DGLUCY: variants seen among roughly 807,000 people sequenced by gnomAD.
The protein encoded by DGLUCY is D-glutamate cyclase, mitochondrial.
Under a neutral mutation model 58.5 loss-of-function variants are expected in DGLUCY, and 58 were observed. The ratio of observed to expected loss-of-function variants is 0.99; its 90% CI spans 0.80 to 1.23. DGLUCY has a LOEUF of 1.23. Ranked by LOEUF, DGLUCY falls within the 50% of genes most tolerant of loss-of-function variation. DGLUCY has a pLI of 0.00. For missense variants in DGLUCY, 779 were observed against 784.7 expected, an observed-to-expected ratio of 0.99 and a Z score of 0.09; for synonymous variants, 325 against 314.1, an observed-to-expected ratio of 1.03 and a Z score of -0.37.
exon 1 of DGLUCY, chr14:91,060,665 A>C (rs1282587320): frequency 1.4e-5 from 6 of 435,564 alleles, no homozygotes; most frequent in Non-Finnish European, 2.2e-5. Flanking sequence ...CCCCTGCTCC[A>C]CCGCCGCCTC....
At chr14:91,084,350 C>T (rs1030506757) in intron 1 of DGLUCY, among the ~76,000 whole-genome samples, 8 of 151,888 alleles carry the variant, frequency 5.3e-5, no homozygotes, top group Admixed American at 2.0e-4. Flanking sequence ...ACTACAGGCA[C>T]CCACCACCAT....
chr14:91,129,708 G>A (rs563740010), intron 1 of DGLUCY, among the ~76,000 whole-genome samples: 85 of 151,574 alleles, frequency 5.6e-4, no homozygotes, highest in Non-Finnish European at 1.0e-3. Flanking sequence ...GTGCAATGGC[G>A]CAATCTCGGC....
intron 9 of DGLUCY, among the ~76,000 whole-genome samples, chr14:91,196,000 G>A (rs896871246): frequency 1.3e-5 from 2 of 152,162 alleles, no homozygotes; most frequent in African/African-American, 4.8e-5. Context: ...TGGAATTGTT[G>A]TAAAAATTAA....
At chr14:91,135,696 C>A (rs1297042581) in intron 1 of DGLUCY, among the ~76,000 whole-genome samples, 9 of 127,218 alleles carry the variant, frequency 7.1e-5, no homozygotes, top group Non-Finnish European at 1.5e-4. Flanking sequence ...TAGGCTTTTG[C>A]TGTTTTTGTT....
chr14:91,125,805 T>G (rs1021036385), intron 1 of DGLUCY, among the ~76,000 whole-genome samples: 4 of 151,988 alleles, frequency 2.6e-5, no homozygotes, highest in Non-Finnish European at 5.9e-5. Flanking sequence ...ATACAAAAAT[T>G]AGCCGAGCCT....
chr14:91,129,456 C>T (rs2045908249), intron 1 of DGLUCY, among the ~76,000 whole-genome samples: 1 of 151,932 alleles, frequency 6.6e-6, no homozygotes. Context: ...AATATGCTAG[C>T]CGGGTATGGT....
rs982414213 is a variant in DGLUCY, at chr14:91,128,549, G to C, written c.-82+14266G>C. Among the ~76,000 whole-genome samples, 2 of 152,040 alleles carry C rather than the reference G, an allele frequency of 1.3e-5. 1 individual carries two copies. Among genetic ancestry groups the C allele is most frequent in the South Asian group, 4.2e-4 (2 of 4,814 alleles). On this transcript the variant is annotated intron_variant, in intron 1 of 13. Transcript: ENST00000256324. ...AAAAGAAAGATCCAGAAAGGGGATT[G>C]TATTAGCCTATATAACTGGGAAGCA...
chr14:91,148,916 C>A, intron 1 of DGLUCY: 1 of 152,176 alleles, frequency 6.6e-6, no homozygotes, highest in Non-Finnish European at 1.5e-5. Context: ...GCCACTGCAC[C>A]CCAGCCTGGG....
At chr14:91,204,854 G>C in intron 12 of DGLUCY, 29 bp downstream of exon 12, 2 of 1,613,184 alleles carry the variant, frequency 1.2e-6, no homozygotes, top group Non-Finnish European at 1.7e-6. Context: ...GCCCAGTCCG[G>C]CCGGCTACCC....
chr14:91,081,757 T>G (rs2044131060), intron 1 of DGLUCY, among the ~76,000 whole-genome samples: 1 of 152,074 alleles, frequency 6.6e-6, no homozygotes, highest in South Asian at 2.1e-4. Context: ...TTATTATTTT[T>G]CTCAGACAGA....
chr14:91,222,659 A>G (rs535224886), intron 13 of DGLUCY, among the ~76,000 whole-genome samples: 17 of 152,328 alleles, frequency 1.1e-4, no homozygotes, highest in Middle Eastern at 3.4e-3. Flanking sequence ...ACATTTGCCA[A>G]TGCTTTCTCT....
At chr14:91,178,393 G>C (rs949002594) in intron 7 of DGLUCY, among the ~76,000 whole-genome samples, 2 of 152,014 alleles carry the variant, frequency 1.3e-5, no homozygotes, top group Non-Finnish European at 2.9e-5. Flanking sequence ...TGAACTCCTG[G>C]GCTCAAGCGA....
chr14:91,219,321 T>A (rs550979917), intron 13 of DGLUCY, among the ~76,000 whole-genome samples: 6 of 152,186 alleles, frequency 3.9e-5, no homozygotes, highest in Admixed American at 6.5e-5. Flanking sequence ...AGGATATAAG[T>A]AGCCAGGTAA....
At chr14:91,152,557 G>T (rs554739241) in intron 1 of DGLUCY, among the ~76,000 whole-genome samples, 6 of 152,182 alleles carry the variant, frequency 3.9e-5, no homozygotes, top group Admixed American at 1.3e-4. Flanking sequence ...TAAATAAAAT[G>T]ATTATACAGT....
intron 11 of DGLUCY, among the ~76,000 whole-genome samples, chr14:91,200,196 C>G (rs1031864719): frequency 6.6e-6 from 1 of 152,192 alleles, no homozygotes; most frequent in Non-Finnish European, 1.5e-5. Flanking sequence ...GTCAAGTGAT[C>G]TACCCACCTC....
At chr14:91,090,454 T>A (rs1030933187) in intron 1 of DGLUCY, among the ~76,000 whole-genome samples, 1 of 152,162 alleles carries the variant, frequency 6.6e-6, no homozygotes, top group African/African-American at 2.4e-5. Context: ...CCCAGCCTCC[T>A]GCATGACTTT....
Position 91,189,123 on chromosome 14 carries a change from G to A in DGLUCY, c.1148G>A (p.Arg383Lys). The A allele has an allele frequency of 6.2e-7, 1 of 1,614,204 alleles. No homozygotes were observed. The highest frequency in any genetic ancestry group is 8.5e-7 in the Non-Finnish European group (1 of 1,180,040). The change falls in exon 9 of 14, where the codon AGA (arginine) becomes AAA (lysine). Residue 383 changes from arginine (R) to lysine (K), a missense_variant. Physicochemically the swap from Arg to Lys is conservative, Grantham distance 26. Transcript: ENST00000256324. ...EKEVAIIVDQ[R>K]AWNLHQKIVE... ...GAGGTCGCCATAATCGTTGACCAGA[G>A]AGCCTGGAACTTGCACCAGAAGATT...
chr14:91,186,920 GCAT>G (rs1438912108), intron 8 of DGLUCY, among the ~76,000 whole-genome samples: 2 of 152,170 alleles, frequency 1.3e-5, no homozygotes, highest in African/African-American at 4.8e-5. Flanking sequence ...CGATATGCCA[GCAT>G]CTGGACTGGA....
At chr14:91,089,094 G>C (rs2044267924) in intron 1 of DGLUCY, among the ~76,000 whole-genome samples, 2 of 152,210 alleles carry the variant, frequency 1.3e-5, no homozygotes, top group African/African-American at 4.8e-5. Context: ...TCTAAAAACT[G>C]CCTCTTCCTC....
Sources: allele counts gnomAD v4.1 joint callset (sites outside exome capture counted in the v4.1 genomes callset), GRCh38; gene constraint gnomAD v4.1.1; transcripts MANE v1.5; gene names NCBI Gene and HGNC (gene_info 2026-07-23, HGNC 2026-07-21).